KLHL7: variants seen among roughly 807,000 people sequenced by gnomAD.
KLHL7 encodes the protein kelch like family member 7, also known as kelch-like protein 7.
Under a neutral mutation model 67.4 loss-of-function variants are expected in KLHL7, and 44 were observed. The ratio of observed to expected loss-of-function variants is 0.65; its 90% CI spans 0.51 to 0.84. KLHL7 has a LOEUF of 0.84. KLHL7 is among the 40% of genes least tolerant of loss of function. The probability of loss-of-function intolerance (pLI) is 0.00; values close to 1 mark genes in which losing one functional copy is unlikely to be tolerated. For missense variants in KLHL7, 362 were observed against 718.1 expected (o/e 0.50, Z 5.67); for synonymous variants, 252 against 243.3 (o/e 1.04, Z -0.33).
chr7:23,123,758 G>A lies in KLHL7; in HGVS notation c.121-19G>A, dbSNP rs772911679. On this transcript the variant is annotated intron_variant, in intron 1 of 10. Transcript: ENST00000339077. ...GCTAGTGAGCCTCTTTTTATTTTAT[G>A]TATTTTTCCTTTGATTAGAAAACGT... 34 of 1,555,096 alleles carry A rather than the reference G, an allele frequency of 2.2e-5. 4 individuals are homozygous for A. In the South Asian group the frequency reaches 3.5e-4, roughly 16 times the overall value.
At chr7:23,126,877 A>G (rs1783593628) in intron 4 of KLHL7, among the ~76,000 whole-genome samples, 1 of 152,188 alleles carries the variant, frequency 6.6e-6, no homozygotes, top group Admixed American at 6.5e-5. Flanking sequence ...GAATTTTTAA[A>G]AGGTAGCCAT....
chr7:23,167,956 A>C lies in KLHL7; in HGVS notation c.1298A>C (p.Tyr433Ser). 1 of 1,614,184 alleles carries C rather than the reference A, an allele frequency of 6.2e-7. No individual in the cohort carries two copies. Among genetic ancestry groups the C allele is most frequent in the Non-Finnish European group, 8.5e-7 (1 of 1,180,006 alleles). ...HGMVEANGLI[Y>S]VCGGSLGNNV... Reference sequence around the variant, plus strand: ...ATGGTGGAAGCCAATGGCCTAATCTATGTTTGTGGTGGAAGTTTAGGAAAC... The same window carrying C: ...ATGGTGGAAGCCAATGGCCTAATCTCTGTTTGTGGTGGAAGTTTAGGAAAC... Residue 433 changes from tyrosine to serine, a missense_variant, in exon 9 of 11, where the codon TAT (tyrosine) becomes TCT (serine). By Grantham distance (144) the Tyr-to-Ser change is moderately radical (BLOSUM62 -2). Coordinates refer to ENST00000339077, the MANE Select transcript of KLHL7 (RefSeq NM_001031710.3).
At chr7:23,139,156 T>A (rs1243836253) in intron 4 of KLHL7, among the ~76,000 whole-genome samples, 1 of 151,546 alleles carries the variant, frequency 6.6e-6, no homozygotes, top group Non-Finnish European at 1.5e-5. Flanking sequence ...TATGCATGTG[T>A]GGTGACAACA....
At chr7:23,161,616 G>T (rs1029123702) in intron 7 of KLHL7, among the ~76,000 whole-genome samples, 3 of 152,168 alleles carry the variant, frequency 2.0e-5, no homozygotes, top group African/African-American at 7.2e-5. Flanking sequence ...CTGCCGGCTG[G>T]TTGGTTACAG....
At chr7:23,141,159 G>C (rs1197821833) in intron 5 of KLHL7, among the ~76,000 whole-genome samples, 6 of 152,178 alleles carry the variant, frequency 3.9e-5, no homozygotes, top group Non-Finnish European at 7.4e-5. Flanking sequence ...ACCATGGTAG[G>C]CAGAACAATG....
chr7:23,121,725 C>A (rs1783352971), intron 1 of KLHL7, among the ~76,000 whole-genome samples: 1 of 150,568 alleles, frequency 6.6e-6, no homozygotes. Flanking sequence ...CTCTGTTGCC[C>A]AGGCTGGAGT....
chr7:23,116,582 T>A (rs1475985215), intron 1 of KLHL7, among the ~76,000 whole-genome samples: 2 of 152,252 alleles, frequency 1.3e-5, no homozygotes, highest in Non-Finnish European at 2.9e-5. Flanking sequence ...TTTCTTTTCC[T>A]TATGATTTTG....
chr7:23,137,553 A>G (rs1392320482), intron 4 of KLHL7, among the ~76,000 whole-genome samples: 2 of 145,132 alleles, frequency 1.4e-5, no homozygotes, highest in Admixed American at 6.9e-5. Context: ...ATCTCGGCTC[A>G]CTGCAACCTC....
intron 4 of KLHL7, chr7:23,126,081 C>G (rs761492788): frequency 3.4e-6 from 2 of 594,028 alleles, no homozygotes; most frequent in South Asian, 3.5e-5. Context: ...TATTTTGGGG[C>G]CATTATTAAG....
chr7:23,143,685 T>C (rs181014082), intron 5 of KLHL7, among the ~76,000 whole-genome samples, 166 bp from the exon 6 acceptor site: 163 of 152,288 alleles, frequency 1.1e-3, no homozygotes, highest in African/African-American at 3.8e-3. Flanking sequence ...ACTAGAGCAG[T>C]ATGTAAGCTG....
chr7:23,106,684 A>C, intron 1 of KLHL7: 8 of 1,007,766 alleles, frequency 7.9e-6, no homozygotes, highest in Non-Finnish European at 9.5e-6. Flanking sequence ...CCATCGATAA[A>C]TACCATGCCA....
intron 4 of KLHL7, 164 bp from the exon 5 acceptor site, chr7:23,140,605 C>T (rs1484203561): frequency 2.8e-6 from 2 of 714,594 alleles, no homozygotes; most frequent in African/African-American, 1.8e-5. Context: ...TTTTATAAGA[C>T]AGTATAGTAT....
At chr7:23,117,477 A>C (rs1391772519) in intron 1 of KLHL7, among the ~76,000 whole-genome samples, 1 of 151,942 alleles carries the variant, frequency 6.6e-6, no homozygotes, top group Non-Finnish European at 1.5e-5. Context: ...TTTTTTTCTT[A>C]GTCCCAGCTC....
At position 23,135,834 on chromosome 7, in the gene KLHL7, A is replaced by G. The variant is rs1490362860; in HGVS notation, c.443-4935A>G. ...TAAAAGAATTTACAGGCTTTCAAAG[A>G]GAAGCAGTATAGTATATTACAAAAA... On this transcript the variant is annotated intron_variant, in intron 4 of 10. Coordinates refer to ENST00000339077, the MANE Select transcript of KLHL7 (RefSeq NM_001031710.3). Among the ~76,000 whole-genome samples the G allele has an allele frequency of 2.0e-5, 3 of 152,352 alleles. No individual in the cohort carries two copies. In the East Asian group the frequency reaches 5.8e-4, roughly 29 times the overall value.
chr7:23,111,507 T>C (rs989111084), intron 1 of KLHL7, among the ~76,000 whole-genome samples: 3 of 152,132 alleles, frequency 2.0e-5, no homozygotes, highest in African/African-American at 4.8e-5. Flanking sequence ...TTTGTAGAGA[T>C]GGTATGTTTT....
rs769467248 is a variant in KLHL7 at position 23,174,139 on chromosome 7, T to G, written c.1602T>G (p.Ala534=). ...TTGGCTCTATAGTTTATGTCTTGGC[T>G]GGTTTTCAGGGTGTTGGTCGATTAG... is the stretch of plus-strand genomic sequence containing the variant. ...AAVGSIVYVL[A]GFQGVGRLGH... Residue 534 remains alanine, a synonymous_variant, in exon 11 of 11, where the codon GCT becomes GCG. Coordinates refer to ENST00000339077, the MANE Select transcript of KLHL7 (RefSeq NM_001031710.3). 6.2e-7 allele frequency: 1 copy of G among 1,614,212 alleles called. No individual in the cohort carries two copies. The highest frequency in any genetic ancestry group is 1.7e-5 in the Admixed American group (1 of 60,032).
At chr7:23,131,396 T>A (rs1783793367) in intron 4 of KLHL7, among the ~76,000 whole-genome samples, 1 of 152,156 alleles carries the variant, frequency 6.6e-6, no homozygotes, top group South Asian at 2.1e-4. Flanking sequence ...TGAAAAAAAA[T>A]TATTGTTGAT....
chr7:23,147,094 C>CTTTTTTTTT (rs397889904), intron 6 of KLHL7, among the ~76,000 whole-genome samples: 7 of 118,580 alleles, frequency 5.9e-5, no homozygotes, highest in Non-Finnish European at 5.5e-5. Context: ...TTAACCTGGA[C>CTTTTTTTTT]TTTTTTTTTT....
At chr7:23,110,297 C>G (rs1782812487) in intron 1 of KLHL7, among the ~76,000 whole-genome samples, 1 of 152,232 alleles carries the variant, frequency 6.6e-6, no homozygotes, top group Non-Finnish European at 1.5e-5. Context: ...TTTCCCTTTT[C>G]TCTTCTTATC....
Sources: allele counts gnomAD v4.1 joint callset (sites outside exome capture counted in the v4.1 genomes callset), GRCh38; gene constraint gnomAD v4.1.1; transcripts MANE v1.5; gene names NCBI Gene and HGNC (gene_info 2026-07-23, HGNC 2026-07-21).